The following KCNB2 variants were observed in gnomAD, a reference collection of about 807,000 sequenced individuals.
The protein encoded by KCNB2 is delayed rectifier potassium channel protein.
KCNB2 carries 15 observed loss-of-function variants against 61.5 expected under a neutral mutation model. The ratio of observed to expected loss-of-function variants is 0.24; its 90% CI spans 0.16 to 0.38. KCNB2 has a LOEUF of 0.38. Ranked by LOEUF, KCNB2 falls within the 10% of genes least tolerant of loss-of-function variation. KCNB2 has a pLI of 1.00. For synonymous variants in KCNB2, 457 were observed against 446.0 expected (o/e 1.02, Z -0.31); for missense variants, 828 against 1,125.2 (o/e 0.74, Z 3.78).
At chr8:72,924,089 C>CA (rs772024784) in intron 2 of KCNB2, among the ~76,000 whole-genome samples, 6 of 152,198 alleles carry the variant, frequency 3.9e-5, no homozygotes, top group Non-Finnish European at 5.9e-5. Flanking sequence ...TCATCCGACT[C>CA]AAAATCCAGC....
intron 2 of KCNB2, among the ~76,000 whole-genome samples, chr8:72,642,290 TG>T (rs1806067605): frequency 6.6e-6 from 1 of 152,180 alleles, no homozygotes; most frequent in South Asian, 2.1e-4. Context: ...TTGGACACAT[TG>T]TATTAAATGA....
chr8:72,823,793 C>T (rs1483609604), intron 2 of KCNB2, among the ~76,000 whole-genome samples: 3 of 152,132 alleles, frequency 2.0e-5, no homozygotes, highest in African/African-American at 7.2e-5. Flanking sequence ...TCAGGTGACA[C>T]AGGAAATGCA....
chr8:72,717,496 C>A (rs1309561980), intron 2 of KCNB2, among the ~76,000 whole-genome samples: 3 of 152,036 alleles, frequency 2.0e-5, no homozygotes, highest in Admixed American at 2.0e-4. Flanking sequence ...CAGAGCCCTC[C>A]AAAATAATGC....
intron 2 of KCNB2, among the ~76,000 whole-genome samples, chr8:72,649,251 C>T (rs761513675): frequency 1.4e-4 from 21 of 152,160 alleles, no homozygotes; most frequent in Admixed American, 3.3e-4. Context: ...TCAAGTTATA[C>T]ATCACTGAAT....
chr8:72,617,911 C>T (rs868334925), intron 2 of KCNB2, among the ~76,000 whole-genome samples: 8 of 152,176 alleles, frequency 5.3e-5, no homozygotes, highest in Non-Finnish European at 1.0e-4. Flanking sequence ...ATCTAAGCGG[C>T]GTCTGAAGCT....
In KCNB2 at chr8:72,858,798, G is replaced by A. The variant is rs139347813; in HGVS notation, c.580-77137G>A. Among the ~76,000 whole-genome samples the A allele has an allele frequency of 2.3e-3, 345 of 152,310 alleles. 3 individuals carry two copies. The South Asian group carries it at 0.039, about 17-fold the overall frequency. ...ACCATCTGAAAGTACAGCTTTTATTGTTGCCTTCTCTCTTCCTCAATACAT... is the reference window on the plus strand; with the variant it reads ...ACCATCTGAAAGTACAGCTTTTATTATTGCCTTCTCTCTTCCTCAATACAT... On this transcript the variant is annotated intron_variant, in intron 2 of 2. Transcript: ENST00000523207.
chr8:72,643,524 C>A (rs2128985875), intron 2 of KCNB2, among the ~76,000 whole-genome samples: 1 of 152,166 alleles, frequency 6.6e-6, no homozygotes, highest in South Asian at 2.1e-4. Context: ...TAAGAGCACT[C>A]CATGGTGTGG....
intron 2 of KCNB2, among the ~76,000 whole-genome samples, chr8:72,872,008 C>G (rs962413922): frequency 2.0e-5 from 3 of 152,180 alleles, no homozygotes; most frequent in African/African-American, 7.2e-5. Flanking sequence ...GAGTTTCTCA[C>G]TGATGGGACC....
intron 2 of KCNB2, among the ~76,000 whole-genome samples, chr8:72,920,449 C>CTATATATA (rs1490825485): frequency 1.0e-4 from 3 of 29,668 alleles, no homozygotes; most frequent in South Asian, 1.9e-3. Context: ...CTATATCTAT[C>CTATATATA]TATCTATCTA....
At chr8:72,539,228 G>A (rs557405291) in intron 1 of KCNB2, among the ~76,000 whole-genome samples, 6 of 152,196 alleles carry the variant, frequency 3.9e-5, no homozygotes, top group South Asian at 2.1e-4. Context: ...ATGTGTATGC[G>A]CATTTAATTG....
At chr8:72,896,476 A>G (rs1277839869) in intron 2 of KCNB2, among the ~76,000 whole-genome samples, 1 of 152,180 alleles carries the variant, frequency 6.6e-6, no homozygotes, top group Non-Finnish European at 1.5e-5. Context: ...AAGGTTGAGC[A>G]AAGTCTCCTT....
intron 2 of KCNB2, among the ~76,000 whole-genome samples, chr8:72,701,501 A>G (rs1426084400): frequency 6.6e-6 from 1 of 152,074 alleles, no homozygotes; most frequent in Admixed American, 6.6e-5. Context: ...GAGATGCAGT[A>G]TGAGCTGTGG....
At chr8:72,582,292 CA>C (rs1474202399) in intron 2 of KCNB2, among the ~76,000 whole-genome samples, 2 of 152,186 alleles carry the variant, frequency 1.3e-5, no homozygotes, top group Non-Finnish European at 2.9e-5. Context: ...GCATCCTGTT[CA>C]GGGCTTTAAG....
In KCNB2 at chr8:72,561,725, ATAT is replaced by A. The variant is rs1806523923; in HGVS notation, c.-93-5916_-93-5914del. Among the ~76,000 whole-genome samples the A allele has an allele frequency of 6.0e-4, 17 of 28,326 alleles. 2 individuals are homozygous for A. The highest frequency in any genetic ancestry group is 1.5e-3 in the African/African-American group (7 of 4,644). The allele number at this position is 28,326 out of a possible 152,430, so 18.6% of individuals were successfully genotyped here. A position where few individuals can be genotyped will look rare whatever the true frequency, so the allele number is the denominator to read the frequency against. On this transcript the variant is annotated intron_variant, in intron 1 of 2. Transcript: ENST00000523207. ...TATATATATATATATATATATATAT[ATAT>A]CTATATCTATATATATATGTATATA...
chr8:72,759,337 AT>A (rs1319338809), intron 2 of KCNB2, among the ~76,000 whole-genome samples: 1 of 152,246 alleles, frequency 6.6e-6, no homozygotes, highest in African/African-American at 2.4e-5. Flanking sequence ...AAATTAAGAC[AT>A]AAAATATCTT....
chr8:72,697,577 G>T (rs921212304), intron 2 of KCNB2, among the ~76,000 whole-genome samples: 1 of 152,098 alleles, frequency 6.6e-6, no homozygotes, highest in African/African-American at 2.4e-5. Context: ...GTTCAAGGCT[G>T]CAGTGAACTA....
rs1273285005 is a variant in KCNB2, at chr8:72,769,645, T to C, written c.580-166290T>C. On this transcript the variant is annotated intron_variant, in intron 2 of 2. Coordinates refer to ENST00000523207, the MANE Select transcript of KCNB2 (RefSeq NM_004770.3). ...GAGAGTGAGTGGATGGTGTAAAGTG[T>C]TTGGAGAAGAGACAGACAGGCAATC... 2.6e-5 allele frequency among the ~76,000 whole-genome samples: 4 copies of C among 151,978 alleles called. No individual in the cohort carries two copies. In the East Asian group the frequency reaches 7.7e-4, roughly 29 times the overall value.
chr8:72,862,730 C>A (rs1805438738), intron 2 of KCNB2, among the ~76,000 whole-genome samples: 1 of 152,074 alleles, frequency 6.6e-6, no homozygotes, highest in Admixed American at 6.5e-5. Flanking sequence ...GTTCATGTTC[C>A]AGTTTGTGGG....
At chr8:72,841,361 C>CTTTTTTTTTTTTTTTTTTTTTTTTT (rs796222096) in intron 2 of KCNB2, among the ~76,000 whole-genome samples, 1 of 66,194 alleles carries the variant, frequency 1.5e-5, no homozygotes, top group Non-Finnish European at 3.2e-5. Flanking sequence ...GTTTTCTTTT[C>CTTTTTTTTTTTTTTTTTTTTTTTTT]TTTTTTTTTT....
Sources: allele counts gnomAD v4.1 joint callset (sites outside exome capture counted in the v4.1 genomes callset), GRCh38; gene constraint gnomAD v4.1.1; transcripts MANE v1.5; gene names NCBI Gene and HGNC (gene_info 2026-07-23, HGNC 2026-07-21).